Variants in KAT6B observed in about 807,000 individuals in gnomAD.
KAT6B encodes lysine acetyltransferase 6B.
In KAT6B, 10 loss-of-function variants were observed where a neutral mutation model predicts 187.5. The observed-to-expected ratio is 0.05, with a 90% CI of 0.03 to 0.09. The LOEUF is 0.09. KAT6B is among the 10% of genes least tolerant of loss of function. The pLI, the probability that KAT6B is intolerant of heterozygous loss-of-function variation, is 1.00. For synonymous variants in KAT6B, 861 were observed against 926.8 expected, an observed-to-expected ratio of 0.93 and a Z score of 1.29; for missense variants, 1,952 against 2,558.9, an observed-to-expected ratio of 0.76 and a Z score of 5.12.
chr10:74,983,419 A>G (rs573020701), intron 11 of KAT6B: 1 of 152,232 alleles, frequency 6.6e-6, no homozygotes, highest in Non-Finnish European at 1.5e-5. Flanking sequence ...TCCTGTTGGT[A>G]TGCTATCCTG....
At chr10:74,901,620 G>T (rs2132770126) in intron 3 of KAT6B, among the ~76,000 whole-genome samples, 1 of 152,186 alleles carries the variant, frequency 6.6e-6, no homozygotes, top group Non-Finnish European at 1.5e-5. Flanking sequence ...GCTTGACCTT[G>T]TTCAAACAGT....
In KAT6B at chr10:75,022,099, GGAA is replaced by G. The variant is rs1375302508; in HGVS notation, c.3246_3248del (p.Glu1089del). 3.6e-5 allele frequency: 57 copies of G among 1,582,898 alleles called. No individual in the cohort carries two copies. The Admixed American group carries it at 8.6e-4, about 24-fold the overall frequency. ...AAGAGGAGGAGGAGGACGAGGAGGAGGAAGAAGAGGAGGAAGAAGAGGAAGAGG... is the reference window on the plus strand; with the variant it reads ...AAGAGGAGGAGGAGGACGAGGAGGAGGAAGAGGAGGAAGAAGAGGAAGAGG... On this transcript the variant is annotated inframe_deletion, in exon 16 of 18. Coordinates refer to ENST00000287239, the MANE Select transcript of KAT6B (RefSeq NM_012330.4).
At chr10:74,899,090 G>T (rs976764974) in intron 3 of KAT6B, among the ~76,000 whole-genome samples, 1 of 150,890 alleles carries the variant, frequency 6.6e-6, no homozygotes, top group African/African-American at 2.4e-5. Context: ...GAACCCAAGA[G>T]GCGGAGGTTG....
Position 75,029,505 on chromosome 10 carries a change from G to A in KAT6B, c.4681G>A (p.Asp1561Asn). The A allele has an allele frequency of 1.2e-6, 2 of 1,614,152 alleles. No homozygotes were observed. Among genetic ancestry groups the A allele is most frequent in the Non-Finnish European group, 1.7e-6 (2 of 1,180,034 alleles). ...ESSEQDDTFQ[D>N]CAETQEACRS... ...CAGCGAACAGGACGACACCTTTCAG[G>A]ATTGTGCCGAGACTCAAGAGGCCTG... Residue 1561 changes from aspartate (D) to asparagine (N), a missense_variant, in exon 18 of 18, where the codon GAT (aspartate) becomes AAT (asparagine). By Grantham distance (23) the Asp-to-Asn change is conservative. Coordinates refer to ENST00000287239, the MANE Select transcript of KAT6B (RefSeq NM_012330.4). The surrounding 1 kb of genome is among the most constrained non-coding windows in gnomAD (Gnocchi z 6.2).
chr10:74,827,340 G>C (rs1840344747), intron 1 of KAT6B: 1 of 153,066 alleles, frequency 6.5e-6, no homozygotes, highest in African/African-American at 2.4e-5. Context: ...TGTGGTGGAT[G>C]TGGAGTAGAG....
chr10:74,970,275 A>G (rs1007155044), intron 6 of KAT6B, among the ~76,000 whole-genome samples, 174 bp downstream of exon 6: 6 of 151,650 alleles, frequency 4.0e-5, no homozygotes, highest in Admixed American at 3.3e-4. Flanking sequence ...AAAAGCATAG[A>G]AAAAAATACA....
At chr10:74,862,954 C>T (rs962864995) in intron 3 of KAT6B, among the ~76,000 whole-genome samples, 4 of 152,166 alleles carry the variant, frequency 2.6e-5, no homozygotes, top group Non-Finnish European at 5.9e-5. Flanking sequence ...TAACGAAGAC[C>T]TCCTCTCCTC....
intron 13 of KAT6B, 135 bp downstream of exon 13, chr10:74,989,247 C>A: frequency 2.8e-6 from 2 of 710,228 alleles, no homozygotes; most frequent in East Asian, 5.4e-5. Flanking sequence ...TTTATATTTA[C>A]ATAGGTTAGA....
At chr10:74,953,881 T>C (rs562626432) in intron 3 of KAT6B, among the ~76,000 whole-genome samples, 31 of 152,308 alleles carry the variant, frequency 2.0e-4, no homozygotes, top group Admixed American at 1.0e-3. Flanking sequence ...ACAGAAGTAA[T>C]CACAAAGTAA....
At chr10:74,888,468 C>T (rs916379455) in intron 3 of KAT6B, among the ~76,000 whole-genome samples, 1 of 151,828 alleles carries the variant, frequency 6.6e-6, no homozygotes, top group Admixed American at 6.6e-5. Flanking sequence ...AACAAATGGC[C>T]AATAAATACA....
intron 3 of KAT6B, among the ~76,000 whole-genome samples, chr10:74,889,930 A>G (rs1045323244): frequency 6.6e-6 from 1 of 152,184 alleles, no homozygotes; most frequent in Non-Finnish European, 1.5e-5. Flanking sequence ...GATAAGGTGT[A>G]TGGAGTATAG....
At chr10:74,944,689 T>A (rs1424305632) in intron 3 of KAT6B, among the ~76,000 whole-genome samples, 6 of 151,484 alleles carry the variant, frequency 4.0e-5, no homozygotes, top group Non-Finnish European at 1.5e-5. Flanking sequence ...GGCGCCTGTG[T>A]TCCCAGCTAC....
Position 74,946,119 on chromosome 10 carries a change from T to A in KAT6B, c.622-13851T>A, listed in dbSNP as rs534122336. On this transcript the variant is annotated intron_variant, in intron 3 of 17. Transcript: ENST00000287239. ...TAATGAATCATTTTCTGTAGTAGAT[T>A]TAGGGTTATTCAGATTTTCTGTTTC... Among the ~76,000 whole-genome samples the A allele has an allele frequency of 1.8e-4, 27 of 152,320 alleles. 1 individual carries two copies. In the South Asian group the frequency reaches 5.6e-3, roughly 32 times the overall value.
At chr10:74,864,808 G>T (rs1420756655) in intron 3 of KAT6B, among the ~76,000 whole-genome samples, 2 of 152,216 alleles carry the variant, frequency 1.3e-5, no homozygotes, top group East Asian at 3.8e-4. Context: ...CATTGGCCCT[G>T]TGTGTTCTTC....
At chr10:74,955,280 T>C (rs1373629168) in intron 3 of KAT6B, among the ~76,000 whole-genome samples, 1 of 151,974 alleles carries the variant, frequency 6.6e-6, no homozygotes, top group Non-Finnish European at 1.5e-5. Flanking sequence ...TTTGCATTCA[T>C]GGTTGGTTGA....
Position 75,021,896 on chromosome 10 carries a change from G to A in KAT6B, c.3037G>A (p.Glu1013Lys), listed in dbSNP as rs1485047887. Residue 1013 changes from glutamate (E) to lysine (K), a missense_variant, in exon 16 of 18, where the codon GAA becomes AAA. This residue lies in a region of KAT6B where 758 missense variants were observed against 891.4 expected (regional missense o/e 0.85). Transcript: ENST00000287239. ...EAEKEAERLM[E>K]QASCWEKEEQ... The stretch of plus-strand genomic sequence containing the variant: ...CCCCACTTAGGCTGAGCGGCTAATG[G>A]AACAAGCTAGCTGCTGGGAGAAGGA... 6.2e-7 allele frequency: 1 copy of A among 1,614,032 alleles called. No individual in the cohort carries two copies.
intron 3 of KAT6B, among the ~76,000 whole-genome samples, chr10:74,895,695 A>G (rs1845939064): frequency 6.6e-6 from 1 of 152,188 alleles, no homozygotes; most frequent in African/African-American, 2.4e-5. Flanking sequence ...GTGAGCTACC[A>G]TGCCTAGCTA....
intron 1 of KAT6B, among the ~76,000 whole-genome samples, chr10:74,838,040 G>A (rs1049506472): frequency 6.6e-6 from 1 of 152,114 alleles, no homozygotes; most frequent in African/African-American, 2.4e-5. Flanking sequence ...ATTGTTTTAC[G>A]TAAGATCAAA....
intron 1 of KAT6B, among the ~76,000 whole-genome samples, chr10:74,831,351 G>T (rs1840840237): frequency 6.6e-6 from 1 of 152,052 alleles, no homozygotes; most frequent in Admixed American, 6.6e-5. Flanking sequence ...TTTACTTTAT[G>T]GTTAGTGCCT....
Sources: allele counts gnomAD v4.1 joint callset (sites outside exome capture counted in the v4.1 genomes callset), GRCh38; gene constraint gnomAD v4.1.1; regional missense constraint gnomAD v4.1.1; non-coding constraint Gnocchi (gnomAD v3.1); transcripts MANE v1.5; gene names NCBI Gene and HGNC (gene_info 2026-07-23, HGNC 2026-07-21).